BRD7: variants seen among roughly 807,000 people sequenced by gnomAD.
BRD7 encodes bromodomain containing 7, also known as bromodomain-containing protein 7.
Under a neutral mutation model 82.1 loss-of-function variants are expected in BRD7, and 15 were observed. That is an observed-to-expected ratio of 0.18 (90% CI 0.12 to 0.28). The LOEUF is 0.28. Ranked by LOEUF, BRD7 falls within the 10% of genes least tolerant of loss-of-function variation. The pLI is 1.00. For missense variants in BRD7, 638 were observed against 779.9 expected (o/e 0.82, Z 2.17); for synonymous variants, 232 against 266.9 (o/e 0.87, Z 1.27).
rs147728435 is a variant in BRD7, at chr16:50,328,926, T to C, written c.1012-182A>G. On this transcript the variant is annotated intron_variant, in intron 8 of 16. Transcript: ENST00000394688. The stretch of plus-strand genomic sequence containing the variant: ...GAACATAAAATTCATTTATGTTTCA[T>C]ATACACTTTACAGATACAGCCAGAA... Among the ~76,000 whole-genome samples the C allele has an allele frequency of 6.4e-3, 975 of 152,330 alleles. 14 individuals are homozygous for C. Among genetic ancestry groups the C allele is most frequent in the African/African-American group, 0.022 (915 of 41,572 alleles).
intron 2 of BRD7, among the ~76,000 whole-genome samples, chr16:50,355,467 T>C (rs1004166490): frequency 6.6e-5 from 10 of 152,240 alleles, no homozygotes; most frequent in African/African-American, 2.2e-4. Context: ...CAGATATTAT[T>C]TGTATAACGT....
intron 2 of BRD7, among the ~76,000 whole-genome samples, chr16:50,358,167 T>C (rs1172979583): frequency 2.0e-5 from 3 of 152,126 alleles, no homozygotes; most frequent in African/African-American, 7.2e-5. Flanking sequence ...TCAATAAAAA[T>C]TTATTTACAA....
At chr16:50,324,825 C>T (rs1212370558) in intron 11 of BRD7, among the ~76,000 whole-genome samples, 1 of 152,238 alleles carries the variant, frequency 6.6e-6, no homozygotes, top group Non-Finnish European at 1.5e-5. Flanking sequence ...TTCCCCTGTG[C>T]AATCCCTATT....
intron 6 of BRD7, among the ~76,000 whole-genome samples, chr16:50,335,454 G>A (rs2037758043): frequency 6.6e-6 from 1 of 152,206 alleles, no homozygotes; most frequent in Non-Finnish European, 1.5e-5. Flanking sequence ...AACCAAAGAA[G>A]TCTTGTTTCT....
chr16:50,363,823 A>C (rs2039034355), intron 2 of BRD7, among the ~76,000 whole-genome samples: 2 of 152,306 alleles, frequency 1.3e-5, no homozygotes, highest in South Asian at 2.1e-4. Context: ...TGGGAGGCTG[A>C]GGTGAAAGGA....
intron 2 of BRD7, among the ~76,000 whole-genome samples, chr16:50,355,905 T>C (rs1230331075): frequency 2.6e-5 from 4 of 152,162 alleles, no homozygotes. Flanking sequence ...TAGACTGAGA[T>C]AAAGTACTTG....
At chr16:50,334,560 T>TCA in intron 7 of BRD7, 151 bp downstream of exon 7, 1 of 824,996 alleles carries the variant, frequency 1.2e-6, no homozygotes, top group Non-Finnish European at 1.9e-6. Flanking sequence ...AAGAGGGGTA[T>TCA]CACACCATCA....
At chr16:50,362,657 C>A (rs375191620) in intron 2 of BRD7, among the ~76,000 whole-genome samples, 2 of 152,160 alleles carry the variant, frequency 1.3e-5, no homozygotes, top group Non-Finnish European at 2.9e-5. Flanking sequence ...AACAGACGAA[C>A]CTTGAGGACA....
intron 2 of BRD7, among the ~76,000 whole-genome samples, chr16:50,367,781 CTG>C (rs1268096879): frequency 3.9e-5 from 6 of 152,228 alleles, no homozygotes; most frequent in African/African-American, 1.2e-4. Flanking sequence ...TCCTTGAACA[CTG>C]AGGCTTTCTT....
chr16:50,335,316 T>G (rs550672231), intron 6 of BRD7, among the ~76,000 whole-genome samples: 1 of 152,222 alleles, frequency 6.6e-6, no homozygotes, highest in Non-Finnish European at 1.5e-5. Context: ...GTGAAGTCCC[T>G]CTCTGTTCTG....
chr16:50,352,237 T>C (rs1039518238), intron 4 of BRD7, among the ~76,000 whole-genome samples: 3 of 152,230 alleles, frequency 2.0e-5, no homozygotes, highest in African/African-American at 7.2e-5. Flanking sequence ...GAGGGCGGTA[T>C]ATCTCACAAA....
chr16:50,326,447 G>A, intron 9 of BRD7, 56 bp from the exon 10 acceptor site: 2 of 1,287,794 alleles, frequency 1.6e-6, no homozygotes, highest in Non-Finnish European at 2.1e-6. Context: ...GACCCACGGG[G>A]CCCTCTGCCG....
At chr16:50,328,795 G>A (rs768575578) in intron 8 of BRD7, 51 bp from the exon 9 acceptor site, 1 of 1,529,840 alleles carries the variant, frequency 6.5e-7, no homozygotes, top group Non-Finnish European at 9.0e-7. Flanking sequence ...ATACAAACAG[G>A]CTGAGTATCC....
intron 7 of BRD7, 25 bp from the exon 8 acceptor site, chr16:50,333,722 T>TA (rs56370009): frequency 0.84 from 881,805 of 1,048,772 alleles, 357,496 homozygotes; most frequent in African/African-American, 0.9. Context: ...TAATACTAAG[T>TA]AAAAAAAAAA....
chr16:50,338,896 A>C (rs1404499167), intron 6 of BRD7, among the ~76,000 whole-genome samples: 1 of 152,118 alleles, frequency 6.6e-6, no homozygotes, highest in Non-Finnish European at 1.5e-5. Flanking sequence ...TCGTTCCCTA[A>C]AGTAGTCTCT....
At chr16:50,348,747 T>C (rs1214163575) in intron 5 of BRD7, among the ~76,000 whole-genome samples, 1 of 152,112 alleles carries the variant, frequency 6.6e-6, no homozygotes, top group Non-Finnish European at 1.5e-5. Flanking sequence ...CATTAAAAAG[T>C]CAGGAAACAA....
At chr16:50,356,739 T>TATAC (rs1555471478) in intron 2 of BRD7, among the ~76,000 whole-genome samples, 6 of 148,614 alleles carry the variant, frequency 4.0e-5, no homozygotes, top group African/African-American at 7.6e-5. Context: ...TATATATATA[T>TATAC]ACACACACAC....
chr16:50,337,081 A>G (rs931723947), intron 6 of BRD7, among the ~76,000 whole-genome samples: 1 of 152,174 alleles, frequency 6.6e-6, no homozygotes, highest in East Asian at 1.9e-4. Context: ...TACCTGGGCT[A>G]AAGTCACACA....
chr16:50,340,321 AC>A (rs1324166255), intron 5 of BRD7, among the ~76,000 whole-genome samples: 2 of 152,224 alleles, frequency 1.3e-5, no homozygotes, highest in Admixed American at 6.5e-5. Context: ...ATTTTATAGT[AC>A]CTGTATATAA....
Sources: gnomAD v4.1 joint callset for allele counts (sites outside exome capture counted in the v4.1 genomes callset) on GRCh38, gnomAD v4.1.1 for gene constraint, MANE v1.5 for transcripts, NCBI Gene and HGNC (gene_info 2026-07-23, HGNC 2026-07-21) for gene names.